Variants in MAD1L1 observed in about 807,000 individuals in gnomAD.
MAD1L1 encodes the protein mitotic arrest deficient 1 like 1.
Under a neutral mutation model 96.9 loss-of-function variants are expected in MAD1L1, and 95 were observed. That is an observed-to-expected ratio of 0.98 (90% confidence interval 0.83 to 1.16). The LOEUF (loss-of-function observed/expected upper bound fraction) is 1.16, where lower values mean the gene tolerates loss of function less well. MAD1L1 is among the 50% of genes most tolerant of loss of function. The pLI, the probability that MAD1L1 is intolerant of heterozygous loss-of-function variation, is 0.00. For missense variants in MAD1L1, 1,007 were observed against 954.4 expected (o/e 1.06, Z -0.73); for synonymous variants, 473 against 396.6 (o/e 1.19, Z -2.29).
At chr7:1,990,455 G>A (rs1017291071) in intron 14 of MAD1L1, among the ~76,000 whole-genome samples, 1 of 152,216 alleles carries the variant, frequency 6.6e-6, no homozygotes, top group Non-Finnish European at 1.5e-5. Flanking sequence ...TTCCAGCCTG[G>A]AGGAGACACA....
chr7:2,161,193 C>G (rs1790100085), intron 10 of MAD1L1, among the ~76,000 whole-genome samples: 1 of 150,068 alleles, frequency 6.7e-6, no homozygotes, highest in Non-Finnish European at 1.5e-5. Flanking sequence ...TCTCGACTCA[C>G]TGCAACCTCC....
intron 11 of MAD1L1, among the ~76,000 whole-genome samples, chr7:2,095,120 A>G (rs1028467661): frequency 5.3e-5 from 8 of 151,956 alleles, no homozygotes; most frequent in Non-Finnish European, 8.8e-5. Context: ...TCAGCTCACT[A>G]CAAGCTCCGC....
Position 1,827,760 on chromosome 7 carries a change from C to A in MAD1L1, c.1999-11532G>T, listed in dbSNP as rs1397037684. Among the ~76,000 whole-genome samples the A allele has an allele frequency of 3.9e-5, 5 of 129,828 alleles. No individual in the cohort carries two copies. The South Asian group carries it at 1.3e-3, about 34-fold the overall frequency. The allele number at this position is 129,828 out of a possible 152,430, so 85.2% of individuals were successfully genotyped here. ...CTGTGGGGTCCTCCCCTCCTGAGCC[C>A]GTCCCGGGTGTGGGGTCCTCCCCTC... On this transcript the variant is annotated intron_variant, in intron 18 of 18. Transcript: ENST00000265854.
chr7:1,938,651 G>T (rs1316369389), intron 16 of MAD1L1, among the ~76,000 whole-genome samples: 1 of 152,008 alleles, frequency 6.6e-6, no homozygotes, highest in Non-Finnish European at 1.5e-5. Context: ...TGCAAAACAT[G>T]TGAGCAGACA....
At chr7:2,116,956 C>T (rs979489465) in intron 11 of MAD1L1, among the ~76,000 whole-genome samples, 1 of 152,224 alleles carries the variant, frequency 6.6e-6, no homozygotes, top group Non-Finnish European at 1.5e-5. Context: ...ACAGCAAACA[C>T]CCAGCATGGC....
intron 18 of MAD1L1, among the ~76,000 whole-genome samples, chr7:1,894,680 G>A (rs1286788745): frequency 6.6e-6 from 1 of 152,174 alleles, no homozygotes; most frequent in African/African-American, 2.4e-5. Flanking sequence ...GCGCAGGAAG[G>A]TCTGGGAGGC....
At chr7:1,947,416 T>C (rs756328910) in intron 16 of MAD1L1, among the ~76,000 whole-genome samples, 3 of 152,218 alleles carry the variant, frequency 2.0e-5, no homozygotes, top group Non-Finnish European at 4.4e-5. Context: ...TTATGCATAT[T>C]TATAGATCGT....
intron 10 of MAD1L1, among the ~76,000 whole-genome samples, chr7:2,165,318 G>A (rs140041774): frequency 3.9e-5 from 6 of 152,360 alleles, no homozygotes; most frequent in East Asian, 3.9e-4. Context: ...GGGGGACCCC[G>A]GGAACTCTGG....
At chr7:1,823,112 G>A (rs1279422079) in intron 18 of MAD1L1, among the ~76,000 whole-genome samples, 3 of 151,974 alleles carry the variant, frequency 2.0e-5, no homozygotes, top group African/African-American at 4.8e-5. Context: ...CCTATTAATC[G>A]ATACGGAAAA....
At chr7:2,031,990 T>C (rs1230632822) in intron 12 of MAD1L1, among the ~76,000 whole-genome samples, 1 of 152,236 alleles carries the variant, frequency 6.6e-6, no homozygotes, top group Non-Finnish European at 1.5e-5. Context: ...CTTGGTCTTC[T>C]ACAGTTCAAA....
At chr7:1,836,171 A>C (rs1782928287) in intron 18 of MAD1L1, among the ~76,000 whole-genome samples, 1 of 151,982 alleles carries the variant, frequency 6.6e-6, no homozygotes, top group African/African-American at 2.4e-5. Context: ...ACAGGCATGC[A>C]CCACCGTGCC....
intron 10 of MAD1L1, among the ~76,000 whole-genome samples, chr7:2,166,961 G>A (rs979621773): frequency 6.6e-6 from 1 of 152,226 alleles, no homozygotes; most frequent in Non-Finnish European, 1.5e-5. Context: ...GCTGGAGACT[G>A]AACCGGAATC....
chr7:1,967,800 A>G lies in MAD1L1; in HGVS notation c.1506-10081T>C, dbSNP rs1000077387. 2.6e-5 allele frequency among the ~76,000 whole-genome samples: 4 copies of G among 152,194 alleles called. No homozygotes were observed. In the East Asian group the frequency reaches 5.8e-4, roughly 22 times the overall value. Reference sequence around the variant, plus strand: ...CACGCAGCGAAACAAGTCCCGCTGCATGCACCGGATCAGAACACAGAGCAC... The same window carrying G: ...CACGCAGCGAAACAAGTCCCGCTGCGTGCACCGGATCAGAACACAGAGCAC... On this transcript the variant is annotated intron_variant, in intron 15 of 18. Coordinates refer to ENST00000265854, the MANE Select transcript of MAD1L1 (RefSeq NM_001013836.2).
chr7:1,931,471 C>CA (rs1326051325), intron 17 of MAD1L1, among the ~76,000 whole-genome samples: 2 of 152,254 alleles, frequency 1.3e-5, no homozygotes, highest in Admixed American at 1.3e-4. Flanking sequence ...GCGGTCTCCA[C>CA]ACTTCTCATT....
At chr7:1,941,013 C>CTCCCAGGCCTCACCCTCCTCTTCCTCT (rs143896454) in intron 16 of MAD1L1, among the ~76,000 whole-genome samples, 8 of 149,412 alleles carry the variant, frequency 5.4e-5, no homozygotes, top group Non-Finnish European at 7.5e-5. Context: ...TCCTCTTCCT[C>CTCCCAGGCCTCACCCTCCTCTTCCTCT]CCCAGGCTTC....
intron 18 of MAD1L1, among the ~76,000 whole-genome samples, chr7:1,897,848 G>T (rs1786980594): frequency 6.6e-6 from 1 of 152,220 alleles, no homozygotes. Context: ...ACGGACTTCA[G>T]TCCTCCCCAG....
chr7:2,052,720 T>C (rs539441514), intron 12 of MAD1L1, among the ~76,000 whole-genome samples: 2 of 152,280 alleles, frequency 1.3e-5, no homozygotes, highest in South Asian at 2.1e-4. Flanking sequence ...GGGTACACCA[T>C]CAAAATAAAC....
At chr7:1,939,161 A>G (rs1778809922) in intron 16 of MAD1L1, among the ~76,000 whole-genome samples, 1 of 138,864 alleles carries the variant, frequency 7.2e-6, no homozygotes. Context: ...AGGCGCACAC[A>G]CACATACGGG....
chr7:2,021,031 T>C (rs1019312669), intron 12 of MAD1L1, among the ~76,000 whole-genome samples: 3 of 151,994 alleles, frequency 2.0e-5, no homozygotes, highest in Admixed American at 6.5e-5. Flanking sequence ...CGTACTAAAA[T>C]GCACTGAGGA....
Sources: allele counts gnomAD v4.1 joint callset (sites outside exome capture counted in the v4.1 genomes callset), GRCh38; gene constraint gnomAD v4.1.1; transcripts MANE v1.5; gene names NCBI Gene and HGNC (gene_info 2026-07-23, HGNC 2026-07-21).